DPYD: variants seen among roughly 807,000 people sequenced by gnomAD.
DPYD encodes the protein dihydropyrimidine dehydrogenase.
DPYD carries 109 observed loss-of-function variants against 116.2 expected under a neutral mutation model. The observed-to-expected ratio is 0.94, with a 90% CI of 0.80 to 1.10. The LOEUF (loss-of-function observed/expected upper bound fraction) is 1.10, where lower values mean the gene tolerates loss of function less well. Ranked by LOEUF, DPYD falls within the 50% of genes least tolerant of loss-of-function variation. The probability of loss-of-function intolerance (pLI) is 0.00; values close to 1 mark genes in which losing one functional copy is unlikely to be tolerated. For synonymous variants in DPYD, 440 were observed against 432.0 expected (o/e 1.02, Z -0.23); for missense variants, 1,302 against 1,254.5 (o/e 1.04, Z -0.57).
intron 19 of DPYD, among the ~76,000 whole-genome samples, chr1:97,202,595 C>A (rs1226710038): frequency 1.3e-5 from 2 of 152,132 alleles, no homozygotes; most frequent in Non-Finnish European, 2.9e-5. Flanking sequence ...GATGGGCCAC[C>A]CACTCGACTA....
intron 1 of DPYD, among the ~76,000 whole-genome samples, chr1:97,919,525 A>G (rs971401562): frequency 2.6e-5 from 4 of 152,214 alleles, no homozygotes; most frequent in African/African-American, 7.2e-5. Context: ...GTCAACTCCG[A>G]TATCTTAAAT....
At chr1:97,196,597 C>A (rs531467712) in intron 19 of DPYD, among the ~76,000 whole-genome samples, 1 of 152,216 alleles carries the variant, frequency 6.6e-6, no homozygotes, top group African/African-American at 2.4e-5. Flanking sequence ...TCTTAGGGGC[C>A]AGGCACTTTG....
At chr1:97,317,745 C>T (rs1378598307) in intron 16 of DPYD, among the ~76,000 whole-genome samples, 1 of 151,924 alleles carries the variant, frequency 6.6e-6, no homozygotes, top group Non-Finnish European at 1.5e-5. Context: ...ACCCACCATG[C>T]TGATACATTT....
At chr1:97,461,346 T>C (rs1317556526) in intron 13 of DPYD, among the ~76,000 whole-genome samples, 1 of 152,190 alleles carries the variant, frequency 6.6e-6, no homozygotes, top group Non-Finnish European at 1.5e-5. Context: ...CTGTCTACTT[T>C]CAACTTTATT....
chr1:97,808,280 A>G (rs558090085), intron 3 of DPYD, among the ~76,000 whole-genome samples: 13 of 152,130 alleles, frequency 8.5e-5, no homozygotes, highest in Admixed American at 3.3e-4. Context: ...GTTTCTCTTC[A>G]ATTTCTTTCA....
chr1:97,192,566 GA>G (rs1476856327), intron 20 of DPYD, among the ~76,000 whole-genome samples: 1 of 152,136 alleles, frequency 6.6e-6, no homozygotes, highest in East Asian at 1.9e-4. Flanking sequence ...ATATTTCTTG[GA>G]AAATAGCAGT....
intron 14 of DPYD, among the ~76,000 whole-genome samples, chr1:97,416,610 C>A (rs1674304601): frequency 1.3e-5 from 2 of 152,156 alleles, no homozygotes; most frequent in Non-Finnish European, 2.9e-5. Context: ...TGGTAGTCAG[C>A]AGTTGGCATT....
chr1:97,718,773 A>G (rs1443139509), intron 5 of DPYD, among the ~76,000 whole-genome samples: 4 of 151,650 alleles, frequency 2.6e-5, no homozygotes, highest in Admixed American at 1.3e-4. Context: ...CAATTCATTA[A>G]TTAAATTTCA....
intron 10 of DPYD, among the ~76,000 whole-genome samples, chr1:97,583,191 G>C (rs533010820): frequency 1.2e-3 from 185 of 152,192 alleles, no homozygotes; most frequent in Middle Eastern, 3.4e-3. Flanking sequence ...GGATGGTCTC[G>C]AGCTCCTGAC....
intron 8 of DPYD, among the ~76,000 whole-genome samples, chr1:97,641,352 T>C (rs1382713153): frequency 2.0e-5 from 3 of 152,032 alleles, no homozygotes; most frequent in Admixed American, 1.3e-4. Flanking sequence ...GGGATGGAGA[T>C]AGAAGAAACA....
At chr1:97,421,516 G>C (rs1484722583) in intron 14 of DPYD, among the ~76,000 whole-genome samples, 1 of 151,386 alleles carries the variant, frequency 6.6e-6, no homozygotes, top group African/African-American at 2.5e-5. Context: ...CGTAAGGATG[G>C]GTTTTTGGTC....
At chr1:97,524,505 AG>A (rs1648911380) in intron 12 of DPYD, among the ~76,000 whole-genome samples, 1 of 152,186 alleles carries the variant, frequency 6.6e-6, no homozygotes, top group South Asian at 2.1e-4. Context: ...CAACGAACTC[AG>A]AAAAGGCCTA....
intron 11 of DPYD, among the ~76,000 whole-genome samples, chr1:97,569,524 A>G (rs1652753893): frequency 6.6e-6 from 1 of 151,166 alleles, no homozygotes; most frequent in African/African-American, 2.4e-5. Context: ...TGAATGGACA[A>G]TATTTGTAAA....
At chr1:97,812,082 T>G (rs1668373907) in intron 3 of DPYD, among the ~76,000 whole-genome samples, 1 of 152,196 alleles carries the variant, frequency 6.6e-6, no homozygotes, top group Non-Finnish European at 1.5e-5. Context: ...CCACTGGTTT[T>G]GCTTTAATCT....
At chr1:97,628,813 T>G (rs1249495598) in intron 8 of DPYD, among the ~76,000 whole-genome samples, 1 of 152,106 alleles carries the variant, frequency 6.6e-6, no homozygotes, top group Non-Finnish European at 1.5e-5. Context: ...TATGCATGTA[T>G]ATATGTATGT....
At chr1:97,700,823 A>G (rs1468077704) in intron 5 of DPYD, among the ~76,000 whole-genome samples, 1 of 151,968 alleles carries the variant, frequency 6.6e-6, no homozygotes, top group Non-Finnish European at 1.5e-5. Flanking sequence ...TAAAAGCTGG[A>G]ATTTGTTAAA....
chr1:97,443,232 T>C (rs1675900745), intron 14 of DPYD, among the ~76,000 whole-genome samples: 1 of 152,210 alleles, frequency 6.6e-6, no homozygotes. Flanking sequence ...TATTATGATA[T>C]ATTCTCTTTT....
intron 16 of DPYD, among the ~76,000 whole-genome samples, chr1:97,331,848 A>G (rs942447513): frequency 6.6e-6 from 1 of 152,192 alleles, no homozygotes; most frequent in Non-Finnish European, 1.5e-5. Flanking sequence ...TAACTTTAAA[A>G]TTCCACTTGG....
intron 20 of DPYD, among the ~76,000 whole-genome samples, chr1:97,174,925 T>C (rs974211512): frequency 7.2e-5 from 11 of 152,172 alleles, no homozygotes; most frequent in African/African-American, 2.4e-4. Flanking sequence ...TCAAATAATA[T>C]GGATTTGTTA....
Sources: allele counts gnomAD v4.1 joint callset (sites outside exome capture counted in the v4.1 genomes callset), GRCh38; gene constraint gnomAD v4.1.1; transcripts MANE v1.5; gene names NCBI Gene and HGNC (gene_info 2026-07-23, HGNC 2026-07-21).